The following DDOST variants were observed in gnomAD, a reference collection of about 807,000 sequenced individuals.
DDOST encodes the protein dolichyl-diphosphooligosaccharide--protein glycosyltransferase non-catalytic subunit, also known as dolichyl-diphosphooligosaccharide--protein glycosyltransferase 48 kDa subunit.
DDOST carries 25 observed loss-of-function variants against 47.6 expected under a neutral mutation model. The ratio of observed to expected loss-of-function variants is 0.53; its 90% CI spans 0.38 to 0.73. The LOEUF (loss-of-function observed/expected upper bound fraction) is 0.73, where lower values mean the gene tolerates loss of function less well. Ranked by LOEUF, DDOST falls within the 30% of genes least tolerant of loss-of-function variation. The pLI is 0.00. For missense variants in DDOST, 526 were observed against 573.9 expected (o/e 0.92, Z 0.85); for synonymous variants, 275 against 236.0 (o/e 1.17, Z -1.51).
intron 1 of DDOST, 85 bp downstream of exon 1, chr1:20,661,112 G>A: frequency 1.3e-6 from 2 of 1,516,252 alleles, no homozygotes; most frequent in Non-Finnish European, 1.8e-6. Flanking sequence ...TCCAGGAAAG[G>A]GAGAGGGAAG....
chr1:20,652,144 G>C lies in DDOST; in HGVS notation c.*235C>G, dbSNP rs776221802. On this transcript the variant is annotated 3_prime_UTR_variant, in exon 11 of 11. Coordinates refer to ENST00000602624, the MANE Select transcript of DDOST (RefSeq NM_005216.5). ...CTGGCCACGTCCCTATTTTAGAAATGAGAGGAGTGACTGCACATAGGAAAA... is the reference window on the plus strand; with the variant it reads ...CTGGCCACGTCCCTATTTTAGAAATCAGAGGAGTGACTGCACATAGGAAAA... 29 of 405,688 alleles carry C rather than the reference G, an allele frequency of 7.1e-5. No individual in the cohort carries two copies. Among genetic ancestry groups the C allele is most frequent in the Non-Finnish European group, 1.2e-4 (27 of 228,274 alleles). The allele number at this position is 405,688 out of a possible 1,614,324, so 25.1% of individuals were successfully genotyped here. A position where few individuals can be genotyped will look rare whatever the true frequency, so the allele number is the denominator to read the frequency against.
chr1:20,654,435 C>A (rs1332683943), intron 6 of DDOST, 64 bp from the exon 7 acceptor site: 3 of 1,535,296 alleles, frequency 2.0e-6, no homozygotes, highest in South Asian at 2.4e-5. Context: ...CCACGCCTCC[C>A]GAACAAGAGG....
intron 5 of DDOST, 73 bp downstream of exon 5, chr1:20,655,367 G>A (rs767170065): frequency 8.1e-7 from 1 of 1,234,884 alleles, no homozygotes; most frequent in South Asian, 1.3e-5. Flanking sequence ...ATTTTGCCTT[G>A]ATTTCCCAAA....
Position 20,654,495 on chromosome 1 carries a change from G to A in DDOST, c.645+119C>T, listed in dbSNP as rs139572118. Reference sequence around the variant, plus strand: ...CTGGCCCTACCTGAAGGGGGAGCCTGAGACCACACCGCTTCTGCCCATGCC... The same window carrying A: ...CTGGCCCTACCTGAAGGGGGAGCCTAAGACCACACCGCTTCTGCCCATGCC... On this transcript the variant is annotated intron_variant, in intron 6 of 10. Transcript: ENST00000602624. The A allele has an allele frequency of 2.1e-3, 2,986 of 1,392,462 alleles. 41 individuals carry two copies. In the African/African-American group the frequency reaches 0.036, roughly 17 times the overall value. 86.3% of individuals were successfully genotyped at this position (1,392,462 alleles called of 1,614,324 possible).
At chr1:20,660,561 C>T (rs2053423819) in intron 2 of DDOST, 1 of 203,720 alleles carries the variant, frequency 4.9e-6, no homozygotes, top group Admixed American at 5.2e-5. Flanking sequence ...TCTTTCCACC[C>T]AGGCAAACCC....
intron 7 of DDOST, among the ~76,000 whole-genome samples, 168 bp downstream of exon 7, chr1:20,654,055 C>T (rs1016720910): frequency 2.0e-5 from 3 of 152,184 alleles, no homozygotes; most frequent in South Asian, 2.1e-4. Context: ...ATTGGAAGTG[C>T]CAATACCAGC....
intron 2 of DDOST, among the ~76,000 whole-genome samples, chr1:20,656,564 A>C (rs1210609196): frequency 6.6e-6 from 1 of 152,182 alleles, no homozygotes; most frequent in Non-Finnish European, 1.5e-5. Context: ...AGTGATGCTG[A>C]TCACTGGAGC....
intron 2 of DDOST, among the ~76,000 whole-genome samples, chr1:20,659,157 CTT>C (rs2053408504): frequency 9.3e-6 from 1 of 108,032 alleles, no homozygotes; most frequent in Non-Finnish European, 1.9e-5. Context: ...CATACCTAGC[CTT>C]TTCTTTTTTT....
In DDOST at chr1:20,661,337, G is replaced by C. The variant is rs770989718; in HGVS notation, c.14C>G (p.Thr5Ser). 3.7e-6 allele frequency: 6 copies of C among 1,613,314 alleles called. No individual in the cohort carries two copies. Among genetic ancestry groups the C allele is most frequent in the Non-Finnish European group, 5.1e-6 (6 of 1,179,934 alleles). Residue 5 changes from threonine to serine, a missense_variant, in exon 1 of 11, where the codon ACC becomes AGC. Coordinates refer to ENST00000602624, the MANE Select transcript of DDOST (RefSeq NM_005216.5). ...AAAGAGGGCCCAAGCCCGGGCCGCGGTGCTGGGCTCCATCTTCCTCCTCCT... is the reference window on the plus strand; with the variant it reads ...AAAGAGGGCCCAAGCCCGGGCCGCGCTGCTGGGCTCCATCTTCCTCCTCCT... MEPS[T>S]AARAWALFWL...
rs1406501875 is a variant in DDOST at position 20,661,125 on chromosome 1, G to A, written c.154+72C>T. On this transcript the variant is annotated intron_variant, in intron 1 of 10. Coordinates refer to ENST00000602624, the MANE Select transcript of DDOST (RefSeq NM_005216.5). ...GCTCCAGGAAAGGGAGAGGGAAGGA[G>A]AGTGGTCAATGCCCTCGATGCTGTA... is the stretch of plus-strand genomic sequence containing the variant. 5 of 1,537,810 alleles carry A rather than the reference G, an allele frequency of 3.3e-6. No individual in the cohort carries two copies. In the South Asian group the frequency reaches 4.6e-5, roughly 14 times the overall value.
chr1:20,660,193 T>C (rs2053420045), intron 2 of DDOST, among the ~76,000 whole-genome samples: 1 of 152,230 alleles, frequency 6.6e-6, no homozygotes, highest in Non-Finnish European at 1.5e-5. Flanking sequence ...GCATTCTATC[T>C]ATTCTCTAAG....
chr1:20,655,450 G>C lies in DDOST; in HGVS notation c.541C>G (p.Arg181Gly), dbSNP rs747589765. The C allele has an allele frequency of 6.2e-7, 1 of 1,613,306 alleles. No individual in the cohort carries two copies. Among genetic ancestry groups the C allele is most frequent in the South Asian group, 1.1e-5 (1 of 91,066 alleles). ...GKSSLNPILF[R>G]GVGMVADPDN... is the part of the protein sequence containing the mutation. ...TGCTCACTCACTCACCCAACACCTCGAAAGAGGATGGGATTTAGAGATGAT... is the reference window on the plus strand; with the variant it reads ...TGCTCACTCACTCACCCAACACCTCCAAAGAGGATGGGATTTAGAGATGAT... The change falls in exon 5 of 11, where the codon CGA becomes GGA. Residue 181 changes from arginine to glycine, a missense_variant. By Grantham distance (125) the Arg-to-Gly change is moderately radical. Coordinates refer to ENST00000602624, the MANE Select transcript of DDOST (RefSeq NM_005216.5).
In DDOST at chr1:20,655,755, C is replaced by A; in HGVS notation, c.377G>T (p.Ser126Ile). Residue 126 changes from serine (S) to isoleucine (I), a missense_variant, in exon 4 of 11, where the codon AGT (serine) becomes ATT (isoleucine). By Grantham distance (142) the Ser-to-Ile change is moderately radical. Transcript: ENST00000602624. The stretch of plus-strand genomic sequence containing the variant: ...CTCGTCAAACTCAATCCCGCACTCA[C>A]TGCCCAGCTCTCGAAGAGGGTCACC... Reference protein sequence around the residue: ...DIGDPLRELGSECGIEFDEEK... With the variant: ...DIGDPLRELGIECGIEFDEEK... The A allele has an allele frequency of 1.2e-6, 2 of 1,614,146 alleles. No individual in the cohort carries two copies. Among genetic ancestry groups the A allele is most frequent in the Non-Finnish European group, 1.7e-6 (2 of 1,180,018 alleles).
chr1:20,654,858 CT>C, intron 5 of DDOST, 151 bp from the exon 6 acceptor site: 1 of 609,804 alleles, frequency 1.6e-6, no homozygotes. Context: ...TGGAGTCTGA[CT>C]TGTTTTTGTT....
chr1:20,654,952 T>C (rs1486610014), intron 5 of DDOST, among the ~76,000 whole-genome samples: 1 of 152,124 alleles, frequency 6.6e-6, no homozygotes, highest in Non-Finnish European at 1.5e-5. Context: ...CTCCGCCTCC[T>C]GGGTTCAAGC....
chr1:20,657,734 G>A (rs1207358182), intron 2 of DDOST, among the ~76,000 whole-genome samples: 2 of 152,142 alleles, frequency 1.3e-5, no homozygotes, highest in Non-Finnish European at 2.9e-5. Context: ...AACTAAAAGC[G>A]CCTTACCTGA....
In DDOST at chr1:20,654,356, C is replaced by T; in HGVS notation, c.661G>A (p.Gly221Arg). The T allele has an allele frequency of 6.4e-7, 1 of 1,559,988 alleles. No homozygotes were observed. Among genetic ancestry groups the T allele is most frequent in the Non-Finnish European group, 8.7e-7 (1 of 1,150,930 alleles). Residue 221 changes from glycine (G) to arginine (R), a missense_variant, in exon 7 of 11, where the codon GGG becomes AGG. Transcript: ENST00000602624. ...CCAGCAATGAGGAGGGTGTTCTTCC[C>T]CACCGCATGTGGATACTGGGAACAA... ...KPITQYPHAV[G>R]KNTLLIAGLQ...
intron 2 of DDOST, among the ~76,000 whole-genome samples, chr1:20,657,775 T>C (rs1327688251): frequency 6.6e-6 from 1 of 152,216 alleles, no homozygotes; most frequent in Non-Finnish European, 1.5e-5. Context: ...GAAGCTCCTA[T>C]ATTCTCTACC....
rs1211468837 is a variant in DDOST, at chr1:20,652,853, T to A, written c.1061A>T (p.Lys354Ile). 1.2e-6 allele frequency: 2 copies of A among 1,614,116 alleles called. No individual in the cohort carries two copies. The highest frequency in any genetic ancestry group is 1.7e-5 in the Admixed American group (1 of 59,980). The change falls in exon 9 of 11, where the codon AAA (lysine) becomes ATA (isoleucine). Residue 354 changes from lysine (K) to isoleucine (I), a missense_variant and splice_region_variant. Lys to Ile is a moderately radical substitution (Grantham distance 102). Coordinates refer to ENST00000602624, the MANE Select transcript of DDOST (RefSeq NM_005216.5). ...CCTCGTGCAGGAACTACACTCACCT[T>A]TCTTCTTCAGGAAGGTCCTCACAAA... ...DPFVRTFLKK[K>I]GGKYSVQFKL...
Sources: gnomAD v4.1 joint callset for allele counts (sites outside exome capture counted in the v4.1 genomes callset) on GRCh38, gnomAD v4.1.1 for gene constraint, MANE v1.5 for transcripts, NCBI Gene and HGNC (gene_info 2026-07-23, HGNC 2026-07-21) for gene names.